DOK6: variants seen among roughly 807,000 people sequenced by gnomAD.
DOK6 encodes the protein downstream of tyrosine kinase 6.
In DOK6, 22 loss-of-function variants were observed where a neutral mutation model predicts 44.0. That is an observed-to-expected ratio of 0.50 (90% CI 0.36 to 0.71). The LOEUF is 0.71. DOK6 is among the 30% of genes least tolerant of loss of function. The probability of loss-of-function intolerance (pLI) is 0.00; values close to 1 mark genes in which losing one functional copy is unlikely to be tolerated. For synonymous variants in DOK6, 166 were observed against 145.5 expected (o/e 1.14, Z -1.01); for missense variants, 340 against 416.4 (o/e 0.82, Z 1.60).
chr18:69,641,817 C>T (rs1984948349), intron 3 of DOK6, among the ~76,000 whole-genome samples: 1 of 152,060 alleles, frequency 6.6e-6, no homozygotes, highest in South Asian at 2.1e-4. Flanking sequence ...TGTGCACAAG[C>T]AGCAGTGTGG....
intron 7 of DOK6, among the ~76,000 whole-genome samples, chr18:69,764,730 T>G (rs1193803935): frequency 1.3e-5 from 2 of 152,216 alleles, no homozygotes; most frequent in South Asian, 4.1e-4. Context: ...ATCCCTTATT[T>G]TCACACAAAA....
chr18:69,541,202 A>G (rs571276675), intron 1 of DOK6, among the ~76,000 whole-genome samples: 1 of 151,964 alleles, frequency 6.6e-6, no homozygotes, highest in Admixed American at 6.6e-5. Context: ...GTCAACATGT[A>G]CTTACTGTAT....
chr18:69,680,314 G>GT (rs1238846584), intron 4 of DOK6, among the ~76,000 whole-genome samples: 1 of 152,190 alleles, frequency 6.6e-6, no homozygotes, highest in East Asian at 1.9e-4. Flanking sequence ...AGGATTTCCT[G>GT]TCCCTGGGAA....
At chr18:69,710,062 C>T (rs1986723495) in intron 5 of DOK6, among the ~76,000 whole-genome samples, 1 of 152,188 alleles carries the variant, frequency 6.6e-6, no homozygotes, top group Admixed American at 6.5e-5. Context: ...ACCTTTAGTC[C>T]CAGCTACTGG....
chr18:69,562,474 C>T (rs1394975610), intron 1 of DOK6, among the ~76,000 whole-genome samples: 1 of 152,038 alleles, frequency 6.6e-6, no homozygotes. Context: ...TGTGATGCCT[C>T]CAGTTTTGTT....
chr18:69,797,058 T>A (rs1195752020), intron 7 of DOK6, among the ~76,000 whole-genome samples: 1 of 152,152 alleles, frequency 6.6e-6, no homozygotes, highest in Non-Finnish European at 1.5e-5. Flanking sequence ...ATCGATTATT[T>A]CCAATTACTA....
intron 7 of DOK6, among the ~76,000 whole-genome samples, chr18:69,818,582 G>C (rs527367754): frequency 3.9e-4 from 60 of 152,204 alleles, no homozygotes; most frequent in Middle Eastern, 3.4e-3. Flanking sequence ...AATCAGGCTC[G>C]CCCAAATGAC....
At chr18:69,579,551 G>A (rs967074931) in intron 2 of DOK6, among the ~76,000 whole-genome samples, 3 of 145,794 alleles carry the variant, frequency 2.1e-5, no homozygotes, top group Non-Finnish European at 4.5e-5. Flanking sequence ...CCGAAGGTGG[G>A]CCAAAAGAAG....
intron 3 of DOK6, among the ~76,000 whole-genome samples, chr18:69,602,438 C>G (rs1278384026): frequency 4.6e-5 from 7 of 152,110 alleles, no homozygotes; most frequent in Admixed American, 4.6e-4. Context: ...AGAAGGAAAG[C>G]CTGGAAAACT....
intron 1 of DOK6, among the ~76,000 whole-genome samples, chr18:69,547,001 T>C (rs1982424205): frequency 6.6e-6 from 1 of 151,502 alleles, no homozygotes; most frequent in Non-Finnish European, 1.5e-5. Flanking sequence ...GAGCTTTGAT[T>C]CATGGTGGAA....
In DOK6 at chr18:69,799,253, T is replaced by C. The variant is rs117116857; in HGVS notation, c.856+41380T>C. Among the ~76,000 whole-genome samples, 1,515 of 152,172 alleles carry C rather than the reference T, an allele frequency of 1.0e-2. 9 individuals are homozygous for C. Among genetic ancestry groups the C allele is most frequent in the Non-Finnish European group, 0.017 (1,183 of 67,958 alleles). On this transcript the variant is annotated intron_variant, in intron 7 of 7. Transcript: ENST00000382713. ...ATTTTCTATAATCCATTAAGATGTTTCAAAATTAGAAATTCCTATTCTTTA... is the reference window on the plus strand; with the variant it reads ...ATTTTCTATAATCCATTAAGATGTTCCAAAATTAGAAATTCCTATTCTTTA...
chr18:69,760,354 A>T (rs974359937), intron 7 of DOK6, among the ~76,000 whole-genome samples: 6 of 152,162 alleles, frequency 3.9e-5, no homozygotes, highest in Admixed American at 6.6e-5. Flanking sequence ...TTATCCACTG[A>T]GTGCGGTGGC....
At chr18:69,593,166 A>C (rs765141188) in intron 2 of DOK6, among the ~76,000 whole-genome samples, 12 of 152,102 alleles carry the variant, frequency 7.9e-5, no homozygotes, top group Non-Finnish European at 1.6e-4. Context: ...AGAGTTTAAG[A>C]CCAGACTGTA....
chr18:69,427,377 A>G (rs192120367), intron 1 of DOK6, among the ~76,000 whole-genome samples: 23 of 145,476 alleles, frequency 1.6e-4, no homozygotes, highest in Admixed American at 9.2e-4. Context: ...GAAAAAAAGC[A>G]TAACATCACT....
intron 3 of DOK6, among the ~76,000 whole-genome samples, chr18:69,612,435 G>A (rs1984172029): frequency 6.8e-6 from 1 of 147,270 alleles, no homozygotes; most frequent in Non-Finnish European, 1.5e-5. Context: ...GGGCGCATGT[G>A]TGCGAGGGCG....
At chr18:69,632,600 T>C (rs1302756521) in intron 3 of DOK6, among the ~76,000 whole-genome samples, 1 of 152,194 alleles carries the variant, frequency 6.6e-6, no homozygotes, top group East Asian at 1.9e-4. Context: ...ACAACCAAGA[T>C]GATTGTAGCA....
chr18:69,731,316 T>A (rs1450558154), intron 5 of DOK6, among the ~76,000 whole-genome samples: 3 of 152,176 alleles, frequency 2.0e-5, no homozygotes, highest in Non-Finnish European at 4.4e-5. Flanking sequence ...AATATGATTT[T>A]AAAAAATATT....
chr18:69,754,557 A>G (rs1001197383), intron 6 of DOK6, among the ~76,000 whole-genome samples: 2 of 152,132 alleles, frequency 1.3e-5, no homozygotes, highest in African/African-American at 2.4e-5. Flanking sequence ...AAATACCACA[A>G]ACTGGATGGG....
chr18:69,575,438 A>G (rs1286059224), intron 2 of DOK6, among the ~76,000 whole-genome samples: 1 of 152,132 alleles, frequency 6.6e-6, no homozygotes, highest in East Asian at 1.9e-4. Context: ...AAGCAGATCC[A>G]TGCAAAATTA....
Sources: allele counts gnomAD v4.1 joint callset (sites outside exome capture counted in the v4.1 genomes callset), GRCh38; gene constraint gnomAD v4.1.1; transcripts MANE v1.5; gene names NCBI Gene and HGNC (gene_info 2026-07-23, HGNC 2026-07-21).